GSDMD: variants seen among roughly 807,000 people sequenced by gnomAD.
The protein encoded by GSDMD is gasdermin-D.
GSDMD carries 46 observed loss-of-function variants against 46.7 expected under a neutral mutation model. That is an observed-to-expected ratio of 0.99 (90% CI 0.78 to 1.26). The LOEUF (loss-of-function observed/expected upper bound fraction) is 1.26. Among genes scored for constraint, GSDMD ranks in the 50% most tolerant of loss-of-function variants. The pLI is 0.00. For missense variants in GSDMD, 649 were observed against 638.8 expected, an observed-to-expected ratio of 1.02 and a Z score of -0.17; for synonymous variants, 307 against 283.1, an observed-to-expected ratio of 1.08 and a Z score of -0.85.
upstream of GSDMD, among the ~76,000 whole-genome samples, chr8:143,554,385 GAC>G (rs1423435017): frequency 1.4e-5 from 2 of 143,642 alleles, no homozygotes; most frequent in East Asian, 4.3e-4. Context: ...CCCGCACACA[GAC>G]ACGCGCACAA....
intron 5 of GSDMD, 115 bp from the exon 6 acceptor site, chr8:143,561,255 T>C: frequency 3.3e-6 from 4 of 1,203,482 alleles, no homozygotes; most frequent in Non-Finnish European, 4.8e-6. Context: ...TGCTCTGGTG[T>C]GTGGGTGATT....
chr8:143,561,526 G>A, intron 6 of GSDMD, 103 bp downstream of exon 6: 2 of 1,239,742 alleles, frequency 1.6e-6, no homozygotes, highest in Non-Finnish European at 2.3e-6. Context: ...GGGAGGCCGG[G>A]CAGCCCCCTG....
chr8:143,560,530 G>T, intron 3 of GSDMD, 73 bp from the exon 4 acceptor site: 3 of 1,456,178 alleles, frequency 2.1e-6, no homozygotes, highest in Non-Finnish European at 2.8e-6. Flanking sequence ...CCCCGGTGGC[G>T]TGGGGCTGTC....
At chr8:143,562,638 C>G in intron 10 of GSDMD, 24 bp from the exon 11 acceptor site, 1 of 1,602,850 alleles carries the variant, frequency 6.2e-7, no homozygotes, top group Non-Finnish European at 8.5e-7. Context: ...CCCCATCTGA[C>G]TCACTCCTGC....
At chr8:143,557,538 C>T (rs1403805414), upstream of GSDMD, among the ~76,000 whole-genome samples, 1 of 152,260 alleles carries the variant, frequency 6.6e-6, no homozygotes, top group Non-Finnish European at 1.5e-5. Context: ...GGTGCACAGG[C>T]ATCTGTTTGC....
In GSDMD at chr8:143,561,389, T is replaced by A; in HGVS notation, c.702T>A (p.Asp234Glu). 1 of 1,610,960 alleles carries A rather than the reference T, an allele frequency of 6.2e-7. No homozygotes were observed. Among genetic ancestry groups the A allele is most frequent in the Non-Finnish European group, 8.5e-7 (1 of 1,179,236 alleles). ...TGCCAGACGTCCTTCTCTTCCCGGA[T>A]AAGAAGCAGAGGACCTTCCAGCCAC... Reference protein sequence around the residue: ...DSDLDVLLFPDKKQRTFQPPA... With the variant: ...DSDLDVLLFPEKKQRTFQPPA... Residue 234 changes from aspartate (D) to glutamate (E), a missense_variant, in exon 6 of 11, where the codon GAT (aspartate) becomes GAA (glutamate). Transcript: ENST00000262580.
rs756362155 is a variant in GSDMD, at chr8:143,561,722, C to T, written c.737-20C>T. 4 of 1,589,840 alleles carry T rather than the reference C, an allele frequency of 2.5e-6. No individual in the cohort carries two copies. In the Admixed American group the frequency reaches 5.2e-5, roughly 21 times the overall value. On this transcript the variant is annotated intron_variant, in intron 6 of 10. Coordinates refer to ENST00000262580, the MANE Select transcript of GSDMD (RefSeq NM_024736.7). ...CTTCCCCGGCACTGACCAGCCCTGCCCTCCCATGCCCCTGCCCAGGCCACA... is the reference window on the plus strand; with the variant it reads ...CTTCCCCGGCACTGACCAGCCCTGCTCTCCCATGCCCCTGCCCAGGCCACA...
Position 143,562,522 on chromosome 8 carries a change from G to A in GSDMD, c.1212+1G>A, listed in dbSNP as rs1823491857. 1 of 1,606,740 alleles carries A rather than the reference G, an allele frequency of 6.2e-7. No homozygotes were observed. Among genetic ancestry groups the A allele is most frequent in the African/African-American group, 1.3e-5 (1 of 75,038 alleles). On this transcript the variant is annotated splice_donor_variant, in intron 10 of 10. Transcript: ENST00000262580. LOFTEE classifies it high-confidence loss of function. ...GACCCTGTTGGGGCCGCTCGAGCTG[G>A]TGAGAGGGTTGGGTTCGGGCTGCAG...
In GSDMD at chr8:143,561,097, T is replaced by C; in HGVS notation, c.675T>C (p.Ser225=). ...GGGTGGCCCAGCTGGTTATTGACTC[T>C]GACTTGGGTGAGCTGGAGTTGGGGG... ...AFRVAQLVID[S]DLDVLLFPDK... Residue 225 remains serine, a synonymous_variant, in exon 5 of 11, where the codon TCT becomes TCC. Coordinates refer to ENST00000262580, the MANE Select transcript of GSDMD (RefSeq NM_024736.7). 1 of 1,612,620 alleles carries C rather than the reference T, an allele frequency of 6.2e-7. No homozygotes were observed. Among genetic ancestry groups the C allele is most frequent in the Non-Finnish European group, 8.5e-7 (1 of 1,179,424 alleles).
At position 143,558,839 on chromosome 8, in the gene GSDMD, C is replaced by G. The variant is rs540003565; in HGVS notation, c.-5+388C>G. The stretch of plus-strand genomic sequence containing the variant: ...AGCGGAGGCCCGCTATGGCCTCTGA[C>G]CCCCAAAGCCTCAGCCTTGGACAGG... On this transcript the variant is annotated intron_variant, in intron 1 of 10. Coordinates refer to ENST00000262580, the MANE Select transcript of GSDMD (RefSeq NM_024736.7). 5.2e-4 allele frequency: 284 copies of G among 545,692 alleles called. 2 individuals carry two copies. Among genetic ancestry groups the G allele is most frequent in the South Asian group, 4.1e-3 (266 of 65,360 alleles). 33.8% of individuals were successfully genotyped at this position (545,692 alleles called of 1,614,324 possible).
chr8:143,556,892 G>A (rs1424605834), upstream of GSDMD, among the ~76,000 whole-genome samples: 3 of 152,256 alleles, frequency 2.0e-5, no homozygotes, highest in Non-Finnish European at 4.4e-5. Flanking sequence ...CATTTAAAGT[G>A]TGCAATTCTG....
chr8:143,554,628 A>G (rs1339243212), upstream of GSDMD, among the ~76,000 whole-genome samples: 1 of 146,764 alleles, frequency 6.8e-6, no homozygotes, highest in Non-Finnish European at 1.5e-5. Context: ...CAGGTGCATA[A>G]ACGCGCGCAA....
At chr8:143,556,685 G>A (rs1409827913), upstream of GSDMD, among the ~76,000 whole-genome samples, 3 of 152,218 alleles carry the variant, frequency 2.0e-5, no homozygotes, top group Non-Finnish European at 2.9e-5. Flanking sequence ...CCACAACCGC[G>A]GAGCGGCTGG....
rs7840446 is a variant in GSDMD, at chr8:143,559,344, G to A, written c.9G>A (p.Ser3=). 3.7e-6 allele frequency: 6 copies of A among 1,610,990 alleles called. No homozygotes were observed. Among genetic ancestry groups the A allele is most frequent in the East Asian group, 2.2e-5 (1 of 44,820 alleles). MG[S]AFERVVRRVV... ...TTCCCCTCCTCAGGAGCATGGGGTC[G>A]GCCTTTGAGCGGGTAGTCCGGAGAG... The change falls in exon 2 of 11, where the codon TCG becomes TCA. Residue 3 remains serine (S), a synonymous_variant. Coordinates refer to ENST00000262580, the MANE Select transcript of GSDMD (RefSeq NM_024736.7).
rs758181776 is a variant in GSDMD, at chr8:143,561,812, C to G, written c.807C>G (p.Leu269=). 8 of 1,610,982 alleles carry G rather than the reference C, an allele frequency of 5.0e-6. No individual in the cohort carries two copies. Among genetic ancestry groups the G allele is most frequent in the Non-Finnish European group, 6.8e-6 (8 of 1,179,030 alleles). Residue 269 remains leucine (L), a synonymous_variant, in exon 7 of 11, where the codon CTC becomes CTG. Coordinates refer to ENST00000262580, the MANE Select transcript of GSDMD (RefSeq NM_024736.7). ...LPSGLSMMRC[L]HNFLTDGVPA... is the part of the protein sequence containing the mutation. ...CTGGCCTCTCCATGATGAGGTGCCT[C>G]CACAACTTCCTGACAGGTCAGTGCC...
At chr8:143,560,039 T>C (rs1563905374) in intron 3 of GSDMD, 70 bp downstream of exon 3, 6 of 1,347,956 alleles carry the variant, frequency 4.5e-6, no homozygotes, top group East Asian at 2.5e-5. Context: ...TATTTATTTA[T>C]TTATTTAAAT....
At chr8:143,556,684 C>T (rs374830210), upstream of GSDMD, among the ~76,000 whole-genome samples, 387 of 148,100 alleles carry the variant, frequency 2.6e-3, 2 homozygotes, top group African/African-American at 9.2e-3. Context: ...TCCACAACCG[C>T]GGAGCGGCTG....
chr8:143,561,696 C>G (rs763358637), intron 6 of GSDMD, 46 bp from the exon 7 acceptor site: 4 of 1,486,920 alleles, frequency 2.7e-6, no homozygotes, highest in Non-Finnish European at 2.8e-6. Flanking sequence ...GCTCAGACAC[C>G]CTTCCCCGGC....
intron 1 of GSDMD, 44 bp from the exon 2 acceptor site, chr8:143,559,288 G>A (rs776589335): frequency 1.3e-4 from 39 of 294,916 alleles, no homozygotes; most frequent in East Asian, 4.2e-4. Context: ...ACTCCCTCCC[G>A]CCCGCCCCGA....
Sources: gnomAD v4.1 joint callset for allele counts (sites outside exome capture counted in the v4.1 genomes callset) on GRCh38, gnomAD v4.1.1 for gene constraint, MANE v1.5 for transcripts, NCBI Gene and HGNC (gene_info 2026-07-23, HGNC 2026-07-21) for gene names.